The following ZNF804A variants were observed in gnomAD, a reference collection of about 807,000 sequenced individuals.
ZNF804A encodes zinc finger protein 804A.
A neutral mutation model predicts 16.5 loss-of-function variants in ZNF804A; 2 were observed. The ratio of observed to expected loss-of-function variants is 0.12; its 90% confidence interval spans 0.05 to 0.38. The LOEUF (loss-of-function observed/expected upper bound fraction) is 0.38. ZNF804A is among the 10% of genes least tolerant of loss of function. ZNF804A has a pLI of 0.99. For synonymous variants in ZNF804A, 534 were observed against 489.6 expected, an observed-to-expected ratio of 1.09 and a Z score of -1.20; for missense variants, 1,473 against 1,390.7, an observed-to-expected ratio of 1.06 and a Z score of -0.94.
At chr2:184,788,982 A>G (rs1288789089) in intron 1 of ZNF804A, among the ~76,000 whole-genome samples, 2 of 151,760 alleles carry the variant, frequency 1.3e-5, no homozygotes, top group East Asian at 1.9e-4. Flanking sequence ...TGTCATAGAG[A>G]TGGTTCTTAT....
At chr2:184,829,979 T>C (rs114879229) in intron 1 of ZNF804A, among the ~76,000 whole-genome samples, 9,741 of 144,546 alleles carry the variant, frequency 0.067, 1,143 homozygotes, top group African/African-American at 0.24. Flanking sequence ...TGGTGGCACT[T>C]ACCTGTGGTC....
intron 1 of ZNF804A, among the ~76,000 whole-genome samples, chr2:184,739,598 G>C (rs182926949): frequency 1.5e-4 from 23 of 152,132 alleles, no homozygotes; most frequent in Non-Finnish European, 2.6e-4. Context: ...TGCCATGTTG[G>C]CCAGGCTCAT....
chr2:184,617,942 A>G (rs950943136), intron 1 of ZNF804A, among the ~76,000 whole-genome samples: 1 of 151,968 alleles, frequency 6.6e-6, no homozygotes, highest in Non-Finnish European at 1.5e-5. Context: ...GAGAAAACTT[A>G]GTGTTTAGAG....
rs746746852 is a variant in ZNF804A, at chr2:184,937,076, G to A, written c.1680G>A (p.Lys560=). Residue 560 remains lysine, a synonymous_variant, in exon 4 of 4, where the codon AAG becomes AAA. Coordinates refer to ENST00000302277, the MANE Select transcript of ZNF804A (RefSeq NM_194250.2). The part of the protein sequence containing the change: ...NISCKIRETE[K]YNFTKSQIKQ... ...CCTGTAAGATCAGAGAAACAGAAAA[G>A]TATAATTTTACTAAAAGTCAAATAA... 3.4e-5 allele frequency: 54 copies of A among 1,602,528 alleles called. No homozygotes were observed. The highest frequency in any genetic ancestry group is 4.0e-5 in the Non-Finnish European group (47 of 1,177,022).
chr2:184,800,953 A>T (rs1169578626), intron 1 of ZNF804A, among the ~76,000 whole-genome samples: 1 of 151,404 alleles, frequency 6.6e-6, no homozygotes, highest in African/African-American at 2.4e-5. Flanking sequence ...GAACTGTGTC[A>T]TTGTCATTTT....
intron 1 of ZNF804A, among the ~76,000 whole-genome samples, chr2:184,829,889 C>G (rs1695230789): frequency 1.7e-5 from 2 of 119,054 alleles, no homozygotes; most frequent in African/African-American, 6.7e-5. Flanking sequence ...TGTCAAAACC[C>G]TGTCTCTACC....
intron 1 of ZNF804A, among the ~76,000 whole-genome samples, chr2:184,759,799 AG>A (rs1694015101): frequency 6.6e-6 from 1 of 151,872 alleles, no homozygotes; most frequent in Non-Finnish European, 1.5e-5. Flanking sequence ...TGGCTCAAAA[AG>A]CTCCCCCACT....
rs34114485 is a variant in ZNF804A at position 184,864,875 on chromosome 2, AT to A, written c.112-1471del. Among the ~76,000 whole-genome samples the A allele has an allele frequency of 7.9e-3, 828 of 105,458 alleles. 9 individuals carry two copies. The highest frequency in any genetic ancestry group is 0.025 in the East Asian group (101 of 4,114). 69.2% of individuals were successfully genotyped at this position (105,458 alleles called of 152,430 possible). A position where few individuals can be genotyped will look rare whatever the true frequency, so the allele number is the denominator to read the frequency against. ...TAAGAGACTTGAATATATAGTTAGGATTTTTTTTTTTTTTTTTTTTTTTGAG... is the reference window on the plus strand; with the variant it reads ...TAAGAGACTTGAATATATAGTTAGGATTTTTTTTTTTTTTTTTTTTTTGAG... On this transcript the variant is annotated intron_variant, in intron 1 of 3. Transcript: ENST00000302277.
intron 1 of ZNF804A, among the ~76,000 whole-genome samples, chr2:184,686,145 G>A (rs749107570): frequency 1.5e-4 from 23 of 152,232 alleles, no homozygotes; most frequent in Non-Finnish European, 2.5e-4. Context: ...TTCTGAGCTT[G>A]CGGGGCAGGG....
intron 2 of ZNF804A, among the ~76,000 whole-genome samples, chr2:184,897,573 G>C (rs1167513379): frequency 1.3e-5 from 2 of 151,926 alleles, no homozygotes; most frequent in East Asian, 3.9e-4. Flanking sequence ...TCAAAGGAAA[G>C]TATCTAAATA....
chr2:184,821,561 A>G (rs1038573703), intron 1 of ZNF804A, among the ~76,000 whole-genome samples: 18 of 152,162 alleles, frequency 1.2e-4, no homozygotes, highest in Non-Finnish European at 2.9e-5. Flanking sequence ...AAATTGAGAA[A>G]TAGGATCTAA....
chr2:184,724,376 C>T (rs530628824), intron 1 of ZNF804A, among the ~76,000 whole-genome samples: 151 of 151,630 alleles, frequency 1.0e-3, no homozygotes, highest in Admixed American at 2.4e-3. Context: ...AAAATGTACA[C>T]GATTTTGAAA....
chr2:184,878,485 T>A (rs1290501207), intron 2 of ZNF804A, among the ~76,000 whole-genome samples: 1 of 152,006 alleles, frequency 6.6e-6, no homozygotes, highest in Non-Finnish European at 1.5e-5. Flanking sequence ...AGCGTAAGGA[T>A]TTTGGTTGTC....
intron 1 of ZNF804A, among the ~76,000 whole-genome samples, chr2:184,837,120 T>A (rs551376508): frequency 1.4e-4 from 21 of 152,102 alleles, no homozygotes; most frequent in Admixed American, 4.6e-4. Flanking sequence ...CTATGAAGTC[T>A]TTACCATAGC....
At position 184,756,175 on chromosome 2, in the gene ZNF804A, AT is replaced by A. The variant is rs766643920; in HGVS notation, c.112-110186del. ...CTAATTCAACATGATTTTATATTGT[AT>A]TTTTTTTCTTTTTTGAAGGTGTGTT... On this transcript the variant is annotated intron_variant, in intron 1 of 3. Transcript: ENST00000302277. Among the ~76,000 whole-genome samples the A allele has an allele frequency of 2.5e-3, 385 of 151,548 alleles. 2 individuals carry two copies. Among genetic ancestry groups the A allele is most frequent in the African/African-American group, 8.3e-3 (344 of 41,380 alleles).
chr2:184,730,847 C>CTTTTT (rs35119389), intron 1 of ZNF804A, among the ~76,000 whole-genome samples: 2 of 145,486 alleles, frequency 1.4e-5, no homozygotes, highest in African/African-American at 5.0e-5. Flanking sequence ...CAATTTGCAG[C>CTTTTT]TTTTTTTTTT....
At chr2:184,783,025 G>A (rs1694394965) in intron 1 of ZNF804A, among the ~76,000 whole-genome samples, 1 of 148,422 alleles carries the variant, frequency 6.7e-6, no homozygotes, top group Non-Finnish European at 1.5e-5. Flanking sequence ...GTTTTTAATA[G>A]GAATATTTTT....
chr2:184,688,123 C>A (rs944686382), intron 1 of ZNF804A, among the ~76,000 whole-genome samples: 1 of 151,758 alleles, frequency 6.6e-6, no homozygotes, highest in African/African-American at 2.4e-5. Flanking sequence ...TGTCTCAAAA[C>A]AAAAACAAAA....
At chr2:184,745,741 A>G (rs747207349) in intron 1 of ZNF804A, among the ~76,000 whole-genome samples, 19 of 151,612 alleles carry the variant, frequency 1.3e-4, no homozygotes, top group Non-Finnish European at 2.5e-4. Flanking sequence ...AAAAAAGATT[A>G]CTTGGATTAT....
Sources: allele counts gnomAD v4.1 joint callset (sites outside exome capture counted in the v4.1 genomes callset), GRCh38; gene constraint gnomAD v4.1.1; transcripts MANE v1.5; gene names NCBI Gene and HGNC (gene_info 2026-07-23, HGNC 2026-07-21).